The following PSD3 variants were observed in gnomAD, a reference collection of about 807,000 sequenced individuals.
The protein encoded by PSD3 is PH and SEC7 domain-containing protein 3.
Under a neutral mutation model 105.5 loss-of-function variants are expected in PSD3, and 49 were observed. The ratio of observed to expected loss-of-function variants is 0.46; its 90% CI spans 0.37 to 0.59. PSD3 has a LOEUF of 0.59. PSD3 is among the 20% of genes least tolerant of loss of function. PSD3 has a pLI of 0.00. For missense variants in PSD3, 1,561 were observed against 1,263.8 expected (o/e 1.24, Z -3.57); for synonymous variants, 557 against 457.8 (o/e 1.22, Z -2.77).
At chr8:18,724,800 TAAAAGCA>T (rs1375721399) in intron 9 of PSD3, among the ~76,000 whole-genome samples, 12 of 151,676 alleles carry the variant, frequency 7.9e-5, no homozygotes, top group African/African-American at 2.9e-4. Flanking sequence ...AAGGCATGAA[TAAAAGCA>T]GCAAGGAAAT....
At chr8:18,882,090 C>T (rs1265110624) in intron 2 of PSD3, among the ~76,000 whole-genome samples, 1 of 151,986 alleles carries the variant, frequency 6.6e-6, no homozygotes, top group Non-Finnish European at 1.5e-5. Context: ...TGCCTGTGCT[C>T]CCAGCTACTT....
chr8:18,787,924 T>A (rs1282171199), intron 8 of PSD3, among the ~76,000 whole-genome samples: 1 of 152,236 alleles, frequency 6.6e-6, no homozygotes, highest in Admixed American at 6.5e-5. Context: ...AGACAAATTC[T>A]GTAAATTTCT....
At chr8:18,608,196 G>C (rs1054357159) in intron 11 of PSD3, among the ~76,000 whole-genome samples, 8 of 152,102 alleles carry the variant, frequency 5.3e-5, no homozygotes, top group African/African-American at 1.9e-4. Context: ...TTCTATCCTG[G>C]GTGACAAAGT....
chr8:18,922,822 T>C (rs1309843643), intron 2 of PSD3, among the ~76,000 whole-genome samples: 1 of 152,122 alleles, frequency 6.6e-6, no homozygotes, highest in Non-Finnish European at 1.5e-5. Flanking sequence ...ATAAAGGCTG[T>C]TACAAAGGAT....
At chr8:18,736,069 C>T (rs188071069) in intron 9 of PSD3, among the ~76,000 whole-genome samples, 86 of 152,246 alleles carry the variant, frequency 5.6e-4, no homozygotes, top group Non-Finnish European at 1.0e-3. Flanking sequence ...CTTAAAACAA[C>T]GTAGAATTCC....
upstream of PSD3, among the ~76,000 whole-genome samples, chr8:19,017,929 G>A (rs755123399): frequency 6.6e-6 from 1 of 152,170 alleles, no homozygotes; most frequent in Non-Finnish European, 1.5e-5. Context: ...TCTACCTAGA[G>A]TAGAAATTGT....
intron 2 of PSD3, among the ~76,000 whole-genome samples, chr8:18,884,213 AAT>A (rs1264607944): frequency 1.3e-5 from 2 of 152,310 alleles, no homozygotes; most frequent in East Asian, 3.9e-4. Context: ...TTAAAAAAAA[AAT>A]CTCAAATGCA....
chr8:18,638,328 GAAA>G (rs35460545), intron 10 of PSD3, among the ~76,000 whole-genome samples: 4 of 142,820 alleles, frequency 2.8e-5, no homozygotes, highest in African/African-American at 1.0e-4. Context: ...AATTAGGCAA[GAAA>G]AAAAAAAAAG....
At chr8:18,680,256 T>G (rs1028564575) in intron 9 of PSD3, among the ~76,000 whole-genome samples, 21 of 152,114 alleles carry the variant, frequency 1.4e-4, no homozygotes, top group African/African-American at 5.1e-4. Context: ...AATTCTGGAG[T>G]ACAGTTGGCC....
intron 2 of PSD3, among the ~76,000 whole-genome samples, chr8:18,934,660 A>G (rs1053966059): frequency 3.3e-5 from 5 of 152,328 alleles, no homozygotes; most frequent in South Asian, 2.1e-4. Flanking sequence ...ATTCTAAGAC[A>G]TAAGTCACTA....
intron 8 of PSD3, among the ~76,000 whole-genome samples, chr8:18,788,886 G>C (rs1809435970): frequency 6.6e-6 from 1 of 152,162 alleles, no homozygotes; most frequent in South Asian, 2.1e-4. Flanking sequence ...ATTATGTCAT[G>C]CTGCCCTCAG....
intron 11 of PSD3, among the ~76,000 whole-genome samples, chr8:18,607,444 T>A (rs1563372051): frequency 6.6e-6 from 1 of 152,226 alleles, no homozygotes; most frequent in East Asian, 1.9e-4. Context: ...ATCTCACAGA[T>A]GTGGAACCTA....
intron 12 of PSD3, among the ~76,000 whole-genome samples, chr8:18,589,960 C>A (rs1430933626): frequency 6.6e-6 from 1 of 152,036 alleles, no homozygotes; most frequent in Non-Finnish European, 1.5e-5. Flanking sequence ...TATTTTGCCA[C>A]CTACAGCTAA....
chr8:19,074,032 C>T (rs1196631927), intron 1 of PSD3, among the ~76,000 whole-genome samples: 2 of 152,040 alleles, frequency 1.3e-5, no homozygotes, highest in East Asian at 1.9e-4. Context: ...CCTCGTGATC[C>T]GCCCACCTCG....
chr8:18,983,918 A>G (rs1194825805), intron 1 of PSD3, among the ~76,000 whole-genome samples: 1 of 151,764 alleles, frequency 6.6e-6, no homozygotes, highest in East Asian at 1.9e-4. Context: ...CAGGAGGATC[A>G]TCTGAGCCCA....
intron 15 of PSD3, among the ~76,000 whole-genome samples, chr8:18,538,044 G>A (rs910067624): frequency 1.3e-5 from 2 of 152,172 alleles, no homozygotes; most frequent in African/African-American, 4.8e-5. Context: ...CGTGACATGG[G>A]CAGTAGGTAT....
In PSD3 at chr8:18,609,683, C is replaced by A. The variant is rs552631099; in HGVS notation, c.2411-9249G>T. 2.0e-5 allele frequency among the ~76,000 whole-genome samples: 3 copies of A among 152,308 alleles called. No individual in the cohort carries two copies. The East Asian group carries it at 5.8e-4, about 29-fold the overall frequency. On this transcript the variant is annotated intron_variant, in intron 11 of 15. Transcript: ENST00000327040. ...ATGACACAGTTGAAGATACAACTCA[C>A]GCAGGGAGGAGTCTGCTTTCTGCAA...
intron 8 of PSD3, 120 bp from the exon 9 acceptor site, chr8:18,765,658 G>A (rs1806920781): frequency 3.6e-6 from 3 of 842,454 alleles, no homozygotes; most frequent in Non-Finnish European, 5.8e-6. Context: ...CAGGTGCGGT[G>A]GCTCACGCCT....
intron 1 of PSD3, among the ~76,000 whole-genome samples, chr8:18,981,137 C>A (rs1825232253): frequency 6.6e-6 from 1 of 152,164 alleles, no homozygotes; most frequent in Admixed American, 6.5e-5. Context: ...TGCTGGGCAC[C>A]TAGGCTGTAA....
Sources: allele counts gnomAD v4.1 joint callset (sites outside exome capture counted in the v4.1 genomes callset), GRCh38; gene constraint gnomAD v4.1.1; transcripts MANE v1.5; gene names NCBI Gene and HGNC (gene_info 2026-07-23, HGNC 2026-07-21).